Variants in NCOA7 observed in about 807,000 individuals in gnomAD.
The protein encoded by NCOA7 is 140 kDa estrogen receptor-associated protein.
NCOA7 carries 45 observed loss-of-function variants against 104.3 expected under a neutral mutation model. The ratio of observed to expected loss-of-function variants is 0.43; its 90% confidence interval spans 0.34 to 0.55. NCOA7 has a LOEUF of 0.55. Among genes scored for constraint, NCOA7 ranks in the 20% least tolerant of loss-of-function variants. The pLI, the probability that NCOA7 is intolerant of heterozygous loss-of-function variation, is 0.02. For missense variants in NCOA7, 1,041 were observed against 1,119.7 expected, an observed-to-expected ratio of 0.93 and a Z score of 1.00; for synonymous variants, 398 against 402.3, an observed-to-expected ratio of 0.99 and a Z score of 0.13.
At chr6:125,857,263 G>T (rs1227750619) in intron 3 of NCOA7, among the ~76,000 whole-genome samples, 1 of 151,828 alleles carries the variant, frequency 6.6e-6, no homozygotes, top group Non-Finnish European at 1.5e-5. Flanking sequence ...TTTGAGATTG[G>T]GTCTTGCACT....
chr6:125,872,793 T>C lies in NCOA7; in HGVS notation c.272-2096T>C, dbSNP rs1783043565. On this transcript the variant is annotated intron_variant, in intron 3 of 15. Coordinates refer to ENST00000392477, the MANE Select transcript of NCOA7 (RefSeq NM_181782.5). ...ATGGTGATTGCACTTTTGAATCTCC[T>C]TATCTGGAGATCTAAAAACATAGTC... Among the ~76,000 whole-genome samples, 5 of 152,326 alleles carry C rather than the reference T, an allele frequency of 3.3e-5. No homozygotes were observed. In the South Asian group the frequency reaches 1.0e-3, roughly 32 times the overall value.
intron 3 of NCOA7, among the ~76,000 whole-genome samples, chr6:125,871,128 C>T (rs528842945): frequency 1.3e-5 from 2 of 152,302 alleles, no homozygotes; most frequent in East Asian, 3.9e-4. Flanking sequence ...ACTTTTGCGT[C>T]ATTTGCCTTA....
intron 2 of NCOA7, among the ~76,000 whole-genome samples, chr6:125,848,720 G>A (rs1301055218): frequency 1.3e-5 from 2 of 152,106 alleles, no homozygotes; most frequent in Non-Finnish European, 2.9e-5. Flanking sequence ...GATGGGTGCA[G>A]CAAACCAACA....
chr6:125,787,257 A>G (rs1774515843), upstream of NCOA7, among the ~76,000 whole-genome samples: 1 of 152,232 alleles, frequency 6.6e-6, no homozygotes, highest in South Asian at 2.1e-4. Context: ...ATGAGACATT[A>G]CTAGTGTTGT....
At position 125,882,410 on chromosome 6, in the gene NCOA7, T is replaced by A. The variant is rs370615265; in HGVS notation, c.574-16T>A. The A allele has an allele frequency of 1.2e-6, 2 of 1,608,902 alleles. No individual in the cohort carries two copies. Among genetic ancestry groups the A allele is most frequent in the Non-Finnish European group, 1.7e-6 (2 of 1,178,726 alleles). ...AAGTGCTTTTATTTGATTTTGAAATTTTTTGCTTTCACAAGGATGCTGACT... is the reference window on the plus strand; with the variant it reads ...AAGTGCTTTTATTTGATTTTGAAATATTTTGCTTTCACAAGGATGCTGACT... On this transcript the variant is annotated splice_polypyrimidine_tract_variant and intron_variant, in intron 6 of 15. Coordinates refer to ENST00000392477, the MANE Select transcript of NCOA7 (RefSeq NM_181782.5).
rs1454032049 is a variant in NCOA7 at position 125,889,848 on chromosome 6, A to G, written c.1794A>G (p.Glu598=). The change falls in exon 9 of 16, where the codon GAA becomes GAG. Residue 598 remains glutamate (E), a synonymous_variant. Transcript: ENST00000392477. The part of the protein sequence containing the change: ...PLPVKLNSST[E]ANVIKEALDS... ...CGGTAAAACTGAACTCTTCTACAGA[A>G]GCAAATGTGATTAAAGAGGCTCTAG... is the stretch of plus-strand genomic sequence containing the variant. 1 of 1,613,834 alleles carries G rather than the reference A, an allele frequency of 6.2e-7. No individual in the cohort carries two copies. The highest frequency in any genetic ancestry group is 8.5e-7 in the Non-Finnish European group (1 of 1,179,912).
chr6:125,854,527 C>T (rs1260569273), intron 2 of NCOA7, among the ~76,000 whole-genome samples: 1 of 152,188 alleles, frequency 6.6e-6, no homozygotes, highest in African/African-American at 2.4e-5. Context: ...AGAATTACTC[C>T]TATGTGACCC....
intron 2 of NCOA7, among the ~76,000 whole-genome samples, chr6:125,841,287 G>A (rs979181964): frequency 1.3e-5 from 2 of 152,172 alleles, no homozygotes; most frequent in South Asian, 4.1e-4. Context: ...CAGTTTTGTA[G>A]CCTAGTAGCA....
chr6:125,904,277 C>G (rs1339496069), intron 10 of NCOA7, among the ~76,000 whole-genome samples: 2 of 152,180 alleles, frequency 1.3e-5, no homozygotes, highest in Non-Finnish European at 2.9e-5. Context: ...CACCAACATC[C>G]CAGCTCCGAT....
At chr6:125,887,684 C>T (rs1784357247) in intron 8 of NCOA7, among the ~76,000 whole-genome samples, 1 of 152,138 alleles carries the variant, frequency 6.6e-6, no homozygotes, top group African/African-American at 2.4e-5. Flanking sequence ...GCTTTATTGT[C>T]ATAACCATTT....
chr6:125,890,896 T>C (rs1784576692), intron 10 of NCOA7, 86 bp downstream of exon 10: 1 of 1,231,202 alleles, frequency 8.1e-7, no homozygotes, highest in African/African-American at 1.6e-5. Context: ...TACTTAATTT[T>C]ATTCTTGAAT....
intron 2 of NCOA7, among the ~76,000 whole-genome samples, chr6:125,830,106 T>G (rs1306632353): frequency 1.3e-5 from 2 of 152,334 alleles, no homozygotes; most frequent in East Asian, 3.9e-4. Context: ...GAAAAACTCT[T>G]GTTAGAGGGA....
chr6:125,840,609 G>C (rs895835316), intron 2 of NCOA7, among the ~76,000 whole-genome samples: 9 of 151,514 alleles, frequency 5.9e-5, no homozygotes, highest in Non-Finnish European at 1.0e-4. Context: ...AAACCTCCCA[G>C]GCTCAGGTGG....
intron 1 of NCOA7, among the ~76,000 whole-genome samples, chr6:125,814,733 G>T (rs1462247460): frequency 3.3e-5 from 5 of 152,200 alleles, no homozygotes; most frequent in Non-Finnish European, 7.4e-5. Context: ...AGGGTTTAAA[G>T]CCATGCTGAG....
chr6:125,784,528 C>T (rs1163146813), intron 1 of NCOA7, among the ~76,000 whole-genome samples: 5 of 152,208 alleles, frequency 3.3e-5, no homozygotes, highest in Admixed American at 3.3e-4. Flanking sequence ...AGCAAATGTA[C>T]TCTTGGGCAT....
intron 1 of NCOA7, among the ~76,000 whole-genome samples, chr6:125,800,660 GAC>G (rs1437516987): frequency 6.6e-6 from 1 of 152,202 alleles, no homozygotes; most frequent in East Asian, 1.9e-4. Context: ...AACAGCATAA[GAC>G]ACATTCCTTG....
chr6:125,877,130 A>G (rs1001740033), intron 4 of NCOA7, among the ~76,000 whole-genome samples: 4 of 152,310 alleles, frequency 2.6e-5, no homozygotes, highest in Admixed American at 2.6e-4. Context: ...AAAATTATAC[A>G]TACTACATAT....
At chr6:125,802,676 G>A (rs1776016117) in intron 1 of NCOA7, among the ~76,000 whole-genome samples, 1 of 152,072 alleles carries the variant, frequency 6.6e-6, no homozygotes, top group South Asian at 2.1e-4. Context: ...TTACAGCAAG[G>A]GAAGAAGTGC....
chr6:125,877,562 A>G (rs1007882402), intron 4 of NCOA7, among the ~76,000 whole-genome samples: 2 of 152,172 alleles, frequency 1.3e-5, no homozygotes, highest in African/African-American at 4.8e-5. Context: ...GAAGTTTCTC[A>G]TCTCCTCACT....
Sources: allele counts gnomAD v4.1 joint callset (sites outside exome capture counted in the v4.1 genomes callset), GRCh38; gene constraint gnomAD v4.1.1; transcripts MANE v1.5; gene names NCBI Gene and HGNC (gene_info 2026-07-23, HGNC 2026-07-21).